DTNB: variants seen among roughly 807,000 people sequenced by gnomAD.
The protein encoded by DTNB is dystrobrevin beta, also known as DTN-B.
A neutral mutation model predicts 90.7 loss-of-function variants in DTNB; 63 were observed. The observed-to-expected ratio is 0.69, with a 90% CI of 0.57 to 0.86. DTNB has a LOEUF of 0.86. Ranked by LOEUF, DTNB falls within the 40% of genes least tolerant of loss-of-function variation. DTNB has a pLI of 0.00. For missense variants in DTNB, 744 were observed against 807.1 expected (o/e 0.92, Z 0.95); for synonymous variants, 277 against 286.7 (o/e 0.97, Z 0.34).
At chr2:25,472,699 C>T (rs1237956517) in intron 10 of DTNB, among the ~76,000 whole-genome samples, 1 of 152,136 alleles carries the variant, frequency 6.6e-6, no homozygotes, top group Non-Finnish European at 1.5e-5. Flanking sequence ...CCCTGGCCAA[C>T]ATGGTAAAAC....
At chr2:25,627,369 A>T (rs1378716913) in intron 4 of DTNB, among the ~76,000 whole-genome samples, 1 of 151,312 alleles carries the variant, frequency 6.6e-6, no homozygotes, top group East Asian at 1.9e-4. Context: ...CCGAGCTTGC[A>T]CACCATTGCA....
At chr2:25,526,456 C>T (rs1404268907) in intron 9 of DTNB, among the ~76,000 whole-genome samples, 6 of 143,024 alleles carry the variant, frequency 4.2e-5, no homozygotes, top group Non-Finnish European at 7.5e-5. Flanking sequence ...AGTGCAATGG[C>T]GCGATCTCAG....
At position 25,633,973 on chromosome 2, in the gene DTNB, C is replaced by T. The variant is rs543766923; in HGVS notation, c.148+5041G>A. 8.6e-3 allele frequency among the ~76,000 whole-genome samples: 1,297 copies of T among 150,686 alleles called. 5 individuals are homozygous for T. Among genetic ancestry groups the T allele is most frequent in the Admixed American group, 0.013 (203 of 15,164 alleles). On this transcript the variant is annotated intron_variant, in intron 3 of 20. Coordinates refer to ENST00000406818, the MANE Select transcript of DTNB (RefSeq NM_021907.5). ...CTGAGAAGTGAGGAGCCCCTCCACC[C>T]GGCAGCCGCCCCGTCAGAGAAGTGA...
chr2:25,585,858 G>A (rs2062303334), intron 6 of DTNB, among the ~76,000 whole-genome samples: 1 of 152,186 alleles, frequency 6.6e-6, no homozygotes, highest in Non-Finnish European at 1.5e-5. Flanking sequence ...CAGAGTTACA[G>A]AGTTGTTGTA....
intron 9 of DTNB, among the ~76,000 whole-genome samples, chr2:25,525,907 A>G (rs1315725586): frequency 1.3e-5 from 2 of 152,080 alleles, no homozygotes; most frequent in Non-Finnish European, 2.9e-5. Flanking sequence ...GGTTGAAAGA[A>G]TGGATAAGAA....
intron 3 of DTNB, among the ~76,000 whole-genome samples, chr2:25,635,149 G>A (rs1300154508): frequency 6.6e-6 from 1 of 150,888 alleles, no homozygotes; most frequent in African/African-American, 2.4e-5. Context: ...ATCCAATGAA[G>A]AGGCTGGGAG....
intron 10 of DTNB, among the ~76,000 whole-genome samples, chr2:25,473,661 C>T (rs189022662): frequency 5.9e-5 from 9 of 152,274 alleles, no homozygotes; most frequent in Non-Finnish European, 8.8e-5. Context: ...GTGTGAGATT[C>T]GCTGGAAGAA....
intron 8 of DTNB, among the ~76,000 whole-genome samples, chr2:25,552,352 G>T (rs2056440507): frequency 6.6e-6 from 1 of 152,202 alleles, no homozygotes; most frequent in Non-Finnish European, 1.5e-5. Flanking sequence ...TAGCAAGGTA[G>T]CTTCCTGTTT....
chr2:25,673,084 C>CT (rs2086461865), intron 1 of DTNB: 2 of 152,176 alleles, frequency 1.3e-5, no homozygotes, highest in Admixed American at 1.3e-4. Flanking sequence ...AGCCCGGCGC[C>CT]GGGCCCCCGC....
In DTNB at chr2:25,427,493, G is replaced by C. The variant is rs1452244107; in HGVS notation, c.1554+42C>G. Reference sequence around the variant, plus strand: ...GAGGCAGCAGCTGAGGCTGTGGTGGGAGAAGAATGACAAGAACTGAGCGTG... The same window carrying C: ...GAGGCAGCAGCTGAGGCTGTGGTGGCAGAAGAATGACAAGAACTGAGCGTG... On this transcript the variant is annotated intron_variant, in intron 15 of 20. Transcript: ENST00000406818. The C allele has an allele frequency of 3.8e-6, 6 of 1,594,422 alleles. No individual in the cohort carries two copies. In the Admixed American group the frequency reaches 1.0e-4, roughly 27 times the overall value.
intron 11 of DTNB, among the ~76,000 whole-genome samples, chr2:25,454,458 C>G (rs2059714416): frequency 6.6e-6 from 1 of 152,174 alleles, no homozygotes; most frequent in Admixed American, 6.5e-5. Context: ...TTATGGTTTT[C>G]TCTCTAAGAA....
intron 8 of DTNB, among the ~76,000 whole-genome samples, chr2:25,554,218 G>T (rs1296369484): frequency 6.6e-6 from 1 of 152,152 alleles, no homozygotes; most frequent in Non-Finnish European, 1.5e-5. Flanking sequence ...ATTTAGCCTG[G>T]GTGGGAAGCA....
chr2:25,507,546 T>C (rs2072767293), intron 9 of DTNB, among the ~76,000 whole-genome samples: 1 of 152,192 alleles, frequency 6.6e-6, no homozygotes, highest in Admixed American at 6.5e-5. Flanking sequence ...GCAAATACTG[T>C]TGCCCTAAGT....
At chr2:25,413,627 C>G (rs990606453) in intron 16 of DTNB, among the ~76,000 whole-genome samples, 4 of 152,156 alleles carry the variant, frequency 2.6e-5, no homozygotes, top group African/African-American at 4.8e-5. Context: ...AGTATTCCAT[C>G]GTGTATATGT....
intron 4 of DTNB, among the ~76,000 whole-genome samples, chr2:25,626,815 A>G (rs2074265594): frequency 6.6e-6 from 1 of 152,246 alleles, no homozygotes; most frequent in Admixed American, 6.5e-5. Context: ...GTCTACAGAC[A>G]GCAAAAAATG....
intron 4 of DTNB, among the ~76,000 whole-genome samples, chr2:25,618,075 C>T (rs1055897217): frequency 6.6e-6 from 1 of 152,148 alleles, no homozygotes; most frequent in Admixed American, 6.5e-5. Flanking sequence ...GTTTGCTTTG[C>T]AGGCCAAACA....
intron 16 of DTNB, among the ~76,000 whole-genome samples, chr2:25,402,041 C>T (rs971511556): frequency 6.6e-6 from 1 of 152,164 alleles, no homozygotes; most frequent in African/African-American, 2.4e-5. Context: ...GTATAGAGAA[C>T]TGGGATATGT....
At chr2:25,620,110 A>G (rs189348708) in intron 4 of DTNB, among the ~76,000 whole-genome samples, 2 of 152,252 alleles carry the variant, frequency 1.3e-5, no homozygotes, top group East Asian at 3.9e-4. Context: ...GAACAAAAGG[A>G]GACTGGGTAA....
intron 16 of DTNB, among the ~76,000 whole-genome samples, chr2:25,403,794 C>T (rs2044349473): frequency 6.6e-6 from 1 of 152,050 alleles, no homozygotes; most frequent in Non-Finnish European, 1.5e-5. Context: ...TTGGATAAAC[C>T]TAGTTTGTTT....
Sources: allele counts gnomAD v4.1 joint callset (sites outside exome capture counted in the v4.1 genomes callset), GRCh38; gene constraint gnomAD v4.1.1; transcripts MANE v1.5; gene names NCBI Gene and HGNC (gene_info 2026-07-23, HGNC 2026-07-21).